KIF14: variants seen among roughly 807,000 people sequenced by gnomAD.
KIF14 encodes the protein kinesin family member 14, also known as kinesin-like protein KIF14.
KIF14 carries 98 observed loss-of-function variants against 176.2 expected under a neutral mutation model. The observed-to-expected ratio is 0.56, with a 90% CI of 0.47 to 0.66. The LOEUF (loss-of-function observed/expected upper bound fraction) is 0.66. Ranked by LOEUF, KIF14 falls within the 30% of genes least tolerant of loss-of-function variation. The pLI is 0.00. For synonymous variants in KIF14, 566 were observed against 632.2 expected, an observed-to-expected ratio of 0.90 and a Z score of 1.57; for missense variants, 1,751 against 1,920.4, an observed-to-expected ratio of 0.91 and a Z score of 1.65.
intron 27 of KIF14, among the ~76,000 whole-genome samples, chr1:200,556,008 C>T (rs1255324640): frequency 6.6e-6 from 1 of 152,152 alleles, no homozygotes; most frequent in African/African-American, 2.4e-5. Flanking sequence ...CAAGCAAATA[C>T]TATACTCTAA....
chr1:200,604,170 A>G (rs1659762797), intron 8 of KIF14, among the ~76,000 whole-genome samples: 1 of 152,024 alleles, frequency 6.6e-6, no homozygotes. Context: ...GCGTTCAAGC[A>G]ATTGTCCCAC....
chr1:200,581,215 G>A lies in KIF14; in HGVS notation c.3321C>T (p.Tyr1107=). Reference sequence around the variant, plus strand: ...TAATTACTCACCTGCCAAAAACATAGTATGTTTTCAATTTGCTGCTGATAG... The same window carrying A: ...TAATTACTCACCTGCCAAAAACATAATATGTTTTCAATTTGCTGCTGATAG... ...ANAISSKLKT[Y]YVFGRHDISD... Residue 1107 remains tyrosine, a synonymous_variant, in exon 20 of 30, where the codon TAC becomes TAT. Coordinates refer to ENST00000367350, the MANE Select transcript of KIF14 (RefSeq NM_014875.3). The A allele has an allele frequency of 1.3e-6, 2 of 1,576,772 alleles. No individual in the cohort carries two copies. Among genetic ancestry groups the A allele is most frequent in the Non-Finnish European group, 1.7e-6 (2 of 1,157,330 alleles).
At position 200,551,538 on chromosome 1, in the gene KIF14, A is replaced by T. The variant is rs1188656046; in HGVS notation, c.*1850T>A. ...AAGATTTATTAAAGGCATTCTCTTT[A>T]TAACATTTCTTGTCAGTGCACATAA... is the stretch of plus-strand genomic sequence containing the variant. On this transcript the variant is annotated 3_prime_UTR_variant, in exon 30 of 30. Transcript: ENST00000367350. 1 of 152,232 alleles carries T rather than the reference A, an allele frequency of 6.6e-6. No individual in the cohort carries two copies. Among genetic ancestry groups the T allele is most frequent in the Non-Finnish European group, 1.5e-5 (1 of 68,022 alleles). The allele number at this position is 152,232 out of a possible 1,614,324, so 9.4% of individuals were successfully genotyped here.
At chr1:200,565,279 G>A (rs780457301) in intron 24 of KIF14, 26 bp from the exon 25 acceptor site, 1 of 1,564,582 alleles carries the variant, frequency 6.4e-7, no homozygotes, top group Admixed American at 2.0e-5. Context: ...AAAAATTACT[G>A]AATGAAATAT....
intron 4 of KIF14, among the ~76,000 whole-genome samples, chr1:200,612,555 A>C (rs1462751267): frequency 2.6e-5 from 4 of 152,130 alleles, no homozygotes; most frequent in African/African-American, 9.7e-5. Context: ...ATTTCATCTC[A>C]TAGTCTCAAT....
chr1:200,600,481 C>T lies in KIF14; in HGVS notation c.2175G>A (p.Lys725=), dbSNP rs753027652. The T allele has an allele frequency of 3.2e-5, 52 of 1,613,346 alleles. No homozygotes were observed. Among genetic ancestry groups the T allele is most frequent in the Middle Eastern group, 1.6e-4 (1 of 6,082 alleles). The change falls in exon 12 of 30, where the codon AAG becomes AAA. Residue 725 remains lysine (K), a synonymous_variant. Coordinates refer to ENST00000367350, the MANE Select transcript of KIF14 (RefSeq NM_014875.3). ...LIRELKAEIA[K]LKAAQRNSRN... is the part of the protein sequence containing the mutation. Reference sequence around the variant, plus strand: ...GACTGTTTCTCTGAGCAGCTTTTAGCTTTGCAATTTCTGCCTTCAATTCTG... The same window carrying T: ...GACTGTTTCTCTGAGCAGCTTTTAGTTTTGCAATTTCTGCCTTCAATTCTG...
At chr1:200,574,937 ATT>A (rs35584654) in intron 22 of KIF14, among the ~76,000 whole-genome samples, 3,162 of 110,510 alleles carry the variant, frequency 0.029, 26 homozygotes, top group Non-Finnish European at 0.036. Context: ...AGAAAGGGTA[ATT>A]TTTTTTTTTT....
intron 20 of KIF14, 32 bp from the exon 21 acceptor site, chr1:200,580,415 C>G: frequency 2.2e-6 from 3 of 1,391,258 alleles, no homozygotes; most frequent in Non-Finnish European, 2.8e-6. Context: ...AAAAGCTTAT[C>G]CTGAAACATA....
rs1261171469 is a variant in KIF14, at chr1:200,551,658, A to G, written c.*1730T>C. On this transcript the variant is annotated 3_prime_UTR_variant, in exon 30 of 30. Coordinates refer to ENST00000367350, the MANE Select transcript of KIF14 (RefSeq NM_014875.3). ...ATACAAAATTTTATAAAGACACTAAAAAGTTTCTGACCAATTAAGTCATGA... is the reference window on the plus strand; with the variant it reads ...ATACAAAATTTTATAAAGACACTAAGAAGTTTCTGACCAATTAAGTCATGA... The G allele has an allele frequency of 6.6e-6, 1 of 152,196 alleles. No homozygotes were observed. The highest frequency in any genetic ancestry group is 2.4e-5 in the African/African-American group (1 of 41,444). 9.4% of individuals were successfully genotyped at this position (152,196 alleles called of 1,614,324 possible).
intron 3 of KIF14, among the ~76,000 whole-genome samples, chr1:200,614,743 G>T (rs1027873035): frequency 7.1e-6 from 1 of 140,518 alleles, no homozygotes; most frequent in African/African-American, 2.6e-5. Context: ...TCCACGCTGT[G>T]GACTGTGGAA....
chr1:200,587,793 G>T (rs1346913729), intron 18 of KIF14, among the ~76,000 whole-genome samples: 1 of 152,116 alleles, frequency 6.6e-6, no homozygotes, highest in Non-Finnish European at 1.5e-5. Flanking sequence ...TGGGCAACAA[G>T]AATGAAACTC....
At chr1:200,577,370 C>A (rs575814760) in intron 21 of KIF14, among the ~76,000 whole-genome samples, 2 of 151,872 alleles carry the variant, frequency 1.3e-5, no homozygotes, top group Admixed American at 6.6e-5. Context: ...GTTACCCAGG[C>A]GGTTCTTGAA....
rs1558053513 is a variant in KIF14, at chr1:200,569,894, TG to T, written c.3661+16del. On this transcript the variant is annotated intron_variant, in intron 23 of 29. Coordinates refer to ENST00000367350, the MANE Select transcript of KIF14 (RefSeq NM_014875.3). ...AATGCTTTTCTCGCCATAGAGAAAA[TG>T]TGAAGAAAAAAATACCTGATGAATG... The T allele has an allele frequency of 1.4e-6, 2 of 1,430,880 alleles. No homozygotes were observed. Among genetic ancestry groups the T allele is most frequent in the South Asian group, 2.4e-5 (2 of 82,798 alleles). The allele number at this position is 1,430,880 out of a possible 1,614,324, so 88.6% of individuals were successfully genotyped here.
At chr1:200,607,556 C>G (rs1402009973) in intron 5 of KIF14, among the ~76,000 whole-genome samples, 1 of 152,060 alleles carries the variant, frequency 6.6e-6, no homozygotes, top group Admixed American at 6.6e-5. Flanking sequence ...TAAAATTTTT[C>G]TTTATTGTTA....
intron 6 of KIF14, 115 bp downstream of exon 6, chr1:200,606,631 C>G (rs767563392): frequency 2.2e-6 from 2 of 889,876 alleles, no homozygotes; most frequent in Non-Finnish European, 3.7e-6. Flanking sequence ...TAAATAGTTA[C>G]CCAGGGTTTC....
chr1:200,615,791 C>T (rs1660379455), intron 2 of KIF14, among the ~76,000 whole-genome samples, 182 bp from the exon 3 acceptor site: 2 of 152,124 alleles, frequency 1.3e-5, no homozygotes, highest in African/African-American at 4.8e-5. Context: ...AAATATATTT[C>T]CTGAGGCTCC....
rs771267918 is a variant in KIF14 at position 200,598,257 on chromosome 1, C to T, written c.2529G>A (p.Val843=). ...NSSHDIQLSG[V]LIADDHCTIK... is the part of the protein sequence containing the mutation. ...CATACCAATGATCATCAGCAATCAG[C>T]ACCCCAGATAACTGAATATCATGGC... The change falls in exon 14 of 30, where the codon GTG becomes GTA. Residue 843 remains valine (V), a synonymous_variant. Coordinates refer to ENST00000367350, the MANE Select transcript of KIF14 (RefSeq NM_014875.3). 1.2e-6 allele frequency: 2 copies of T among 1,612,354 alleles called. No homozygotes were observed. Among genetic ancestry groups the T allele is most frequent in the East Asian group, 2.2e-5 (1 of 44,722 alleles).
At chr1:200,587,552 T>C (rs1023409410) in intron 18 of KIF14, among the ~76,000 whole-genome samples, 1 of 152,112 alleles carries the variant, frequency 6.6e-6, no homozygotes, top group Non-Finnish European at 1.5e-5. Context: ...CGGTGGCTCA[T>C]GCCTATAATC....
At chr1:200,564,919 A>C (rs887242649) in intron 25 of KIF14, 150 bp downstream of exon 25, 13 of 610,026 alleles carry the variant, frequency 2.1e-5, no homozygotes, top group Admixed American at 1.5e-4. Flanking sequence ...TTAACAAATC[A>C]ATTACAGACA....
Sources: allele counts gnomAD v4.1 joint callset (sites outside exome capture counted in the v4.1 genomes callset), GRCh38; gene constraint gnomAD v4.1.1; transcripts MANE v1.5; gene names NCBI Gene and HGNC (gene_info 2026-07-23, HGNC 2026-07-21).